BEND5: variants seen among roughly 807,000 people sequenced by gnomAD.
The protein encoded by BEND5 is BEN domain-containing protein 5.
BEND5 carries 22 observed loss-of-function variants against 43.9 expected under a neutral mutation model. The ratio of observed to expected loss-of-function variants is 0.50; its 90% CI spans 0.36 to 0.72. BEND5 has a LOEUF of 0.72. Ranked by LOEUF, BEND5 falls within the 30% of genes least tolerant of loss-of-function variation. The pLI is 0.00. For missense variants in BEND5, 428 were observed against 550.6 expected (o/e 0.78, Z 2.23); for synonymous variants, 228 against 225.9 (o/e 1.01, Z -0.08).
chr1:48,731,231 T>C (rs1472447569), intron 5 of BEND5, among the ~76,000 whole-genome samples: 29 of 152,028 alleles, frequency 1.9e-4, no homozygotes, highest in Non-Finnish European at 2.9e-5. Context: ...AGTGGTTATA[T>C]TGTGGGATAG....
intron 1 of BEND5, among the ~76,000 whole-genome samples, chr1:48,775,115 G>A (rs1427023127): frequency 6.6e-6 from 1 of 152,206 alleles, no homozygotes; most frequent in Non-Finnish European, 1.5e-5. Flanking sequence ...AATCAGCTAT[G>A]AATGGTTCCC....
chr1:48,753,618 C>T (rs931376820), intron 3 of BEND5, among the ~76,000 whole-genome samples: 1 of 152,160 alleles, frequency 6.6e-6, no homozygotes, highest in Non-Finnish European at 1.5e-5. Flanking sequence ...ATATGCAGGC[C>T]ACAATGGCTT....
chr1:48,757,131 G>A (rs1643976410), intron 3 of BEND5, among the ~76,000 whole-genome samples: 1 of 152,162 alleles, frequency 6.6e-6, no homozygotes, highest in African/African-American at 2.4e-5. Flanking sequence ...TAGTTTCCCT[G>A]GGAGTTGAAT....
chr1:48,758,217 T>C (rs1644050368), intron 3 of BEND5, among the ~76,000 whole-genome samples: 1 of 152,244 alleles, frequency 6.6e-6, no homozygotes, highest in Non-Finnish European at 1.5e-5. Context: ...AGCTTTCTAA[T>C]GCTTTCCATT....
At chr1:48,756,879 A>G (rs529260971) in intron 3 of BEND5, among the ~76,000 whole-genome samples, 1 of 152,322 alleles carries the variant, frequency 6.6e-6, no homozygotes, top group Non-Finnish European at 1.5e-5. Flanking sequence ...CATTGTAATG[A>G]TGATGGTGAC....
chr1:48,738,660 TG>T (rs1649443123), intron 4 of BEND5, among the ~76,000 whole-genome samples: 1 of 152,218 alleles, frequency 6.6e-6, no homozygotes, highest in African/African-American at 2.4e-5. Context: ...TAGAGATGGA[TG>T]CCAACTTTAC....
At chr1:48,734,256 G>A (rs949495851) in intron 5 of BEND5, among the ~76,000 whole-genome samples, 9 of 152,140 alleles carry the variant, frequency 5.9e-5, no homozygotes, top group African/African-American at 1.7e-4. Context: ...CAGAGTCGGC[G>A]GGTGTGTGTT....
intron 1 of BEND5, among the ~76,000 whole-genome samples, chr1:48,767,415 T>A (rs549590952): frequency 6.6e-6 from 1 of 152,280 alleles, no homozygotes; most frequent in African/African-American, 2.4e-5. Context: ...TGCAGGTATC[T>A]GACACAGACT....
At chr1:48,728,482 C>CTTTT (rs11441549) in intron 5 of BEND5, among the ~76,000 whole-genome samples, 1 of 137,126 alleles carries the variant, frequency 7.3e-6, no homozygotes, top group Non-Finnish European at 1.6e-5. Context: ...TTCTGACTTG[C>CTTTT]TTTTTTTTTT....
chr1:48,745,180 G>A lies in BEND5; in HGVS notation c.746-2409C>T, dbSNP rs112971318. 1.3e-3 allele frequency among the ~76,000 whole-genome samples: 197 copies of A among 152,152 alleles called. 2 individuals carry two copies. The highest frequency in any genetic ancestry group is 4.4e-3 in the African/African-American group (181 of 41,418). On this transcript the variant is annotated intron_variant, in intron 3 of 5. Transcript: ENST00000371833. ...AGTAAATTCTTCATGACATGAGAGG[G>A]GAGGAAGAGAGGGACTTTAATGGGC...
intron 3 of BEND5, among the ~76,000 whole-genome samples, chr1:48,749,913 G>T (rs1403488994): frequency 6.6e-6 from 1 of 152,212 alleles, no homozygotes; most frequent in African/African-American, 2.4e-5. Context: ...GGCTGGGTTG[G>T]GGGGCTAAGG....
intron 3 of BEND5, among the ~76,000 whole-genome samples, chr1:48,744,679 A>G (rs1166035722): frequency 1.3e-5 from 2 of 152,178 alleles, no homozygotes; most frequent in Non-Finnish European, 2.9e-5. Context: ...ATCTCTATAA[A>G]GGCCATCAAA....
intron 5 of BEND5, among the ~76,000 whole-genome samples, chr1:48,732,405 T>C (rs1648286758): frequency 6.6e-6 from 1 of 152,192 alleles, no homozygotes; most frequent in African/African-American, 2.4e-5. Context: ...GCACTTACTA[T>C]AGGCTAGCCC....
At chr1:48,735,024 T>A (rs1353178239) in intron 5 of BEND5, among the ~76,000 whole-genome samples, 2 of 152,246 alleles carry the variant, frequency 1.3e-5, no homozygotes, top group African/African-American at 4.8e-5. Flanking sequence ...TTACTTAACA[T>A]TTCTGTGTCT....
Position 48,758,999 on chromosome 1 carries a change from T to G in BEND5, c.646A>C (p.Lys216Gln). The G allele has an allele frequency of 1.2e-6, 2 of 1,613,972 alleles. No individual in the cohort carries two copies. Among genetic ancestry groups the G allele is most frequent in the South Asian group, 2.2e-5 (2 of 91,024 alleles). ...AGTGCCCCGTACTCCTTGAGCTTCT[T>G]GGCCTGTTGTACCAGCTGCCTCCGA... Reference protein sequence around the residue: ...RTRRQLVQQAKKLKEYGALVS... With the variant: ...RTRRQLVQQAQKLKEYGALVS... The change falls in exon 3 of 6, where the codon AAG (lysine) becomes CAG (glutamine). Residue 216 changes from lysine (K) to glutamine (Q), a missense_variant. Transcript: ENST00000371833.
At chr1:48,772,269 G>C (rs990591502) in intron 1 of BEND5, among the ~76,000 whole-genome samples, 5 of 152,230 alleles carry the variant, frequency 3.3e-5, no homozygotes, top group South Asian at 2.1e-4. Flanking sequence ...AGGAGGGAGA[G>C]AGTCTCTCTT....
chr1:48,740,587 G>A (rs1649763854), intron 4 of BEND5, among the ~76,000 whole-genome samples: 1 of 152,226 alleles, frequency 6.6e-6, no homozygotes, highest in Non-Finnish European at 1.5e-5. Context: ...TTAGTGTTAT[G>A]TGTCAAAGGA....
chr1:48,765,419 C>T (rs796601741), intron 1 of BEND5, among the ~76,000 whole-genome samples: 5 of 152,210 alleles, frequency 3.3e-5, no homozygotes, highest in African/African-American at 1.2e-4. Flanking sequence ...AGGAAAATAA[C>T]AAGAGTAAAG....
intron 2 of BEND5, 65 bp downstream of exon 2, chr1:48,761,272 T>C: frequency 6.8e-7 from 1 of 1,471,562 alleles, no homozygotes; most frequent in Non-Finnish European, 9.1e-7. Flanking sequence ...AGACTGAAAC[T>C]CTTTAGCTAC....
Sources: gnomAD v4.1 joint callset for allele counts (sites outside exome capture counted in the v4.1 genomes callset) on GRCh38, gnomAD v4.1.1 for gene constraint, MANE v1.5 for transcripts, NCBI Gene and HGNC (gene_info 2026-07-23, HGNC 2026-07-21) for gene names.